The following KLHL28 variants were observed in gnomAD, a reference collection of about 807,000 sequenced individuals.
KLHL28 encodes kelch like family member 28, also known as kelch-like protein 28.
KLHL28 carries 22 observed loss-of-function variants against 48.3 expected under a neutral mutation model. That is an observed-to-expected ratio of 0.46 (90% CI 0.33 to 0.65). The LOEUF is 0.65. Ranked by LOEUF, KLHL28 falls within the 30% of genes least tolerant of loss-of-function variation. KLHL28 has a pLI of 0.03. For synonymous variants in KLHL28, 243 were observed against 242.4 expected, an observed-to-expected ratio of 1.00 and a Z score of -0.02; for missense variants, 527 against 704.3, an observed-to-expected ratio of 0.75 and a Z score of 2.85.
intron 1 of KLHL28, chr14:44,959,394 T>A (rs1434730827): frequency 6.6e-6 from 1 of 152,134 alleles, no homozygotes; most frequent in Non-Finnish European, 1.5e-5. Context: ...TTATTATGAT[T>A]GTTTGTTAAT....
chr14:44,937,232 G>T (rs968664401), intron 2 of KLHL28, among the ~76,000 whole-genome samples: 1 of 148,890 alleles, frequency 6.7e-6, no homozygotes, highest in Non-Finnish European at 1.5e-5. Context: ...CACAACCTCC[G>T]CCTCCCAGGT....
In KLHL28 at chr14:44,928,961, C is replaced by A; in HGVS notation, c.*67G>T. On this transcript the variant is annotated 3_prime_UTR_variant, in exon 5 of 5. Transcript: ENST00000396128. Reference sequence around the variant, plus strand: ...AATGCAGCTTGTGGGTTTCAGAAAACTGGGCCATCCGGATGTTCATGCAGT... The same window carrying A: ...AATGCAGCTTGTGGGTTTCAGAAAAATGGGCCATCCGGATGTTCATGCAGT... 1 of 1,442,990 alleles carries A rather than the reference C, an allele frequency of 6.9e-7. No individual in the cohort carries two copies. The allele number at this position is 1,442,990 out of a possible 1,614,324, so 89.4% of individuals were successfully genotyped here. A position where few individuals can be genotyped will look rare whatever the true frequency, so the allele number is the denominator to read the frequency against.
intron 1 of KLHL28, among the ~76,000 whole-genome samples, 189 bp from the exon 2 acceptor site, chr14:44,946,117 A>C (rs1470954123): frequency 6.6e-6 from 1 of 152,196 alleles, no homozygotes; most frequent in Non-Finnish European, 1.5e-5. Context: ...CACATCATTC[A>C]ACTTATTTAT....
At chr14:44,929,819 C>T (rs1436437196) in intron 4 of KLHL28, among the ~76,000 whole-genome samples, 2 of 152,172 alleles carry the variant, frequency 1.3e-5, no homozygotes, top group Non-Finnish European at 2.9e-5. Context: ...TGTCTAGACA[C>T]TGAAATAAAA....
intron 2 of KLHL28, among the ~76,000 whole-genome samples, chr14:44,939,560 C>T (rs1281999931): frequency 6.6e-6 from 1 of 152,190 alleles, no homozygotes; most frequent in Non-Finnish European, 1.5e-5. Context: ...CCTGAATGTT[C>T]ATCGCTCTGA....
chr14:44,941,705 A>G (rs1884103773), intron 2 of KLHL28, among the ~76,000 whole-genome samples: 1 of 151,986 alleles, frequency 6.6e-6, no homozygotes, highest in Admixed American at 6.6e-5. Flanking sequence ...GCCAAGTTTA[A>G]GAGCCACTTT....
chr14:44,941,211 A>C (rs1417450367), intron 2 of KLHL28, among the ~76,000 whole-genome samples: 1 of 151,772 alleles, frequency 6.6e-6, no homozygotes, highest in Admixed American at 6.6e-5. Flanking sequence ...TACTGCCTTA[A>C]CTCTCTCCTT....
chr14:44,960,022 G>A (rs1884963358), intron 1 of KLHL28, among the ~76,000 whole-genome samples: 1 of 152,174 alleles, frequency 6.6e-6, no homozygotes, highest in Admixed American at 6.5e-5. Flanking sequence ...TGATGCTGAT[G>A]AAGTCCCATT....
chr14:44,960,936 G>T, intron 1 of KLHL28: 1 of 1,528,924 alleles, frequency 6.5e-7, no homozygotes, highest in Non-Finnish European at 8.9e-7. Context: ...CATAAATTTG[G>T]GTCTTCAAAT....
intron 2 of KLHL28, among the ~76,000 whole-genome samples, chr14:44,940,652 A>T (rs965427858): frequency 5.3e-5 from 8 of 152,174 alleles, no homozygotes; most frequent in Non-Finnish European, 4.4e-5. Context: ...CCTTGCTTTC[A>T]ACCCCCCCGC....
rs560123019 is a variant in KLHL28, at chr14:44,931,337, T to C, written c.1548A>G (p.Arg516=). ...AAATTAATAAATTCTTATTACCTGTTCTAGGTTCTTTCATTGGTCTACACA... is the reference window on the plus strand; with the variant it reads ...AAATTAATAAATTCTTATTACCTGTCCTAGGTTCTTTCATTGGTCTACACA... ...WTVCRPMKEP[R]TGVGAAVIDN... The change falls in exon 4 of 5, where the codon AGA becomes AGG. Residue 516 remains arginine, a synonymous_variant. Transcript: ENST00000396128. 47 of 1,604,744 alleles carry C rather than the reference T, an allele frequency of 2.9e-5. No individual in the cohort carries two copies. In the East Asian group the frequency reaches 8.9e-4, roughly 30 times the overall value.
At chr14:44,934,660 G>T (rs1303107911) in intron 2 of KLHL28, 102 bp from the exon 3 acceptor site, 3 of 882,988 alleles carry the variant, frequency 3.4e-6, no homozygotes, top group Non-Finnish European at 5.0e-6. Context: ...AAAATTAAAA[G>T]CACAATAAAC....
Position 44,934,337 on chromosome 14 carries a change from T to A in KLHL28, c.1121A>T (p.Glu374Val). 6.2e-7 allele frequency: 1 copy of A among 1,614,170 alleles called. No individual in the cohort carries two copies. The highest frequency in any genetic ancestry group is 1.1e-5 in the South Asian group (1 of 91,082). ...NTWTSLERMN[E>V]SRSTLGVVVL... is the part of the protein sequence containing the mutation. ...TACTACTCCAAGAGTACTTCGGCTTTCATTCATTCTCTCTAGAGAAGTCCA... is the reference window on the plus strand; with the variant it reads ...TACTACTCCAAGAGTACTTCGGCTTACATTCATTCTCTCTAGAGAAGTCCA... Residue 374 changes from glutamate to valine, a missense_variant, in exon 3 of 5, where the codon GAA (glutamate) becomes GTA (valine). Physicochemically the swap from Glu to Val is moderately radical, Grantham distance 121. Coordinates refer to ENST00000396128, the MANE Select transcript of KLHL28 (RefSeq NM_017658.5).
At chr14:44,961,026 T>A (rs887428458) in intron 1 of KLHL28, 6 of 682,136 alleles carry the variant, frequency 8.8e-6, no homozygotes, top group African/African-American at 1.8e-5. Flanking sequence ...TCTTCCACAC[T>A]CCAAAGCATT....
chr14:44,948,481 T>G (rs1884435950), intron 1 of KLHL28, among the ~76,000 whole-genome samples: 1 of 152,158 alleles, frequency 6.6e-6, no homozygotes, highest in South Asian at 2.1e-4. Context: ...TTTCTTAATC[T>G]AAGTATTAAT....
chr14:44,953,097 G>A lies in KLHL28; in HGVS notation c.1-7169C>T, dbSNP rs188563216. ...GTGGATTAACAGGATTAAATGAGAC[G>A]TATGTAAGGAAAAATAGATCAATGG... is the stretch of plus-strand genomic sequence containing the variant. On this transcript the variant is annotated intron_variant, in intron 1 of 4. Coordinates refer to ENST00000396128, the MANE Select transcript of KLHL28 (RefSeq NM_017658.5). Among the ~76,000 whole-genome samples, 5 of 152,244 alleles carry A rather than the reference G, an allele frequency of 3.3e-5. No individual in the cohort carries two copies. In the South Asian group the frequency reaches 6.2e-4, roughly 19 times the overall value.
chr14:44,934,465 T>C lies in KLHL28; in HGVS notation c.993A>G (p.Gln331=), dbSNP rs1594567315. The stretch of plus-strand genomic sequence containing the variant: ...CAATACCACCTATAACATATACTTT[T>C]TGGTCTAAAACGCATATTCCAAATT... The part of the protein sequence containing the change: ...RYEFGICVLD[Q]KVYVIGGIAT... Residue 331 remains glutamine (Q), a synonymous_variant, in exon 3 of 5, where the codon CAA becomes CAG. Transcript: ENST00000396128. The C allele has an allele frequency of 6.2e-7, 1 of 1,614,128 alleles. No homozygotes were observed. Among genetic ancestry groups the C allele is most frequent in the Non-Finnish European group, 8.5e-7 (1 of 1,180,000 alleles).
intron 2 of KLHL28, among the ~76,000 whole-genome samples, chr14:44,942,840 G>A (rs1291938014): frequency 6.6e-6 from 1 of 152,066 alleles, no homozygotes; most frequent in Non-Finnish European, 1.5e-5. Context: ...AAACTATCTT[G>A]ATCGTTGCAT....
chr14:44,938,608 G>C (rs528392963), intron 2 of KLHL28, among the ~76,000 whole-genome samples: 1 of 152,142 alleles, frequency 6.6e-6, no homozygotes, highest in African/African-American at 2.4e-5. Context: ...CTGACCTCGC[G>C]ATCTGCCCGC....
Sources: gnomAD v4.1 joint callset for allele counts (sites outside exome capture counted in the v4.1 genomes callset) on GRCh38, gnomAD v4.1.1 for gene constraint, MANE v1.5 for transcripts, NCBI Gene and HGNC (gene_info 2026-07-23, HGNC 2026-07-21) for gene names.